Variants in KCNIP4 observed in about 807,000 individuals in gnomAD.
KCNIP4 encodes the protein potassium voltage-gated channel interacting protein 4, also known as Kv channel-interacting protein 4.
KCNIP4 carries 12 observed loss-of-function variants against 34.0 expected under a neutral mutation model. The ratio of observed to expected loss-of-function variants is 0.35; its 90% CI spans 0.23 to 0.57. The LOEUF is 0.57. Among genes scored for constraint, KCNIP4 ranks in the 20% least tolerant of loss-of-function variants. KCNIP4 has a pLI of 0.83. For missense variants in KCNIP4, 238 were observed against 311.7 expected (o/e 0.76, Z 1.78); for synonymous variants, 124 against 102.2 (o/e 1.21, Z -1.29).
intron 3 of KCNIP4, among the ~76,000 whole-genome samples, chr4:20,837,561 G>T (rs1201657866): frequency 6.6e-6 from 1 of 151,074 alleles, no homozygotes; most frequent in East Asian, 1.9e-4. Context: ...AGCCAAAATT[G>T]CACAGCAGCC....
intron 1 of KCNIP4, among the ~76,000 whole-genome samples, chr4:20,995,291 G>A (rs533131507): frequency 2.0e-5 from 3 of 152,116 alleles, no homozygotes; most frequent in East Asian, 1.9e-4. Flanking sequence ...TTATATCAGC[G>A]ACTTATAAAA....
chr4:21,356,320 G>A (rs966279816), intron 1 of KCNIP4, among the ~76,000 whole-genome samples: 54 of 152,084 alleles, frequency 3.6e-4, no homozygotes, highest in African/African-American at 1.1e-3. Context: ...GTTGTGGCCA[G>A]GGCAATCAGG....
At chr4:21,773,287 G>T (rs1467759629) in intron 1 of KCNIP4, among the ~76,000 whole-genome samples, 1 of 152,114 alleles carries the variant, frequency 6.6e-6, no homozygotes, top group African/African-American at 2.4e-5. Context: ...GAGACTGTTT[G>T]CTATGATTTC....
At chr4:21,379,370 G>A (rs1184786986) in intron 1 of KCNIP4, among the ~76,000 whole-genome samples, 1 of 152,116 alleles carries the variant, frequency 6.6e-6, no homozygotes, top group Non-Finnish European at 1.5e-5. Context: ...TTCCTCTTCA[G>A]AGACCTTAAA....
chr4:21,232,416 T>C (rs774756129), intron 1 of KCNIP4, among the ~76,000 whole-genome samples: 6 of 152,146 alleles, frequency 3.9e-5, no homozygotes, highest in Admixed American at 2.0e-4. Context: ...AGGAATTCAA[T>C]AAAAGAAATT....
intron 1 of KCNIP4, among the ~76,000 whole-genome samples, chr4:21,259,919 G>GTA (rs1338940551): frequency 3.3e-5 from 5 of 149,938 alleles, no homozygotes; most frequent in Non-Finnish European, 5.9e-5. Context: ...GTGTGTGTGT[G>GTA]TGCACGTGCG....
chr4:21,904,734 T>C (rs1009349131), intron 1 of KCNIP4, among the ~76,000 whole-genome samples: 3 of 152,092 alleles, frequency 2.0e-5, no homozygotes, highest in Non-Finnish European at 4.4e-5. Flanking sequence ...ATGAAATCAT[T>C]TTTTGTGGTA....
intron 1 of KCNIP4, among the ~76,000 whole-genome samples, chr4:21,483,553 G>A (rs1022979736): frequency 6.6e-6 from 1 of 152,042 alleles, no homozygotes; most frequent in East Asian, 1.9e-4. Flanking sequence ...ACTTTGGGAG[G>A]CTGAAGCAAG....
chr4:21,122,351 T>C (rs1310296532), intron 1 of KCNIP4, among the ~76,000 whole-genome samples: 1 of 151,872 alleles, frequency 6.6e-6, no homozygotes, highest in Non-Finnish European at 1.5e-5. Context: ...GTTTTGAAAA[T>C]CAGTATTTTC....
At chr4:20,858,415 A>G (rs1306824290) in intron 2 of KCNIP4, among the ~76,000 whole-genome samples, 1 of 152,090 alleles carries the variant, frequency 6.6e-6, no homozygotes, top group Non-Finnish European at 1.5e-5. Context: ...TGGCAGCCCT[A>G]GCAAACTAAT....
At chr4:20,975,844 G>T (rs1048034006) in intron 1 of KCNIP4, among the ~76,000 whole-genome samples, 1 of 152,114 alleles carries the variant, frequency 6.6e-6, no homozygotes, top group South Asian at 2.1e-4. Flanking sequence ...TAAAATAATG[G>T]TTAAAAGGGC....
chr4:20,821,934 C>T lies in KCNIP4; in HGVS notation c.288+28609G>A, dbSNP rs928812875. Among the ~76,000 whole-genome samples the T allele has an allele frequency of 2.1e-4, 32 of 152,068 alleles. 1 individual carries two copies. Among genetic ancestry groups the T allele is most frequent in the African/African-American group, 7.0e-4 (29 of 41,390 alleles). ...TTTCTTTATCCACTTGTTTGATGGG[C>T]ACTTACGGTTCCACATCTTTGCAAC... On this transcript the variant is annotated intron_variant, in intron 3 of 8. Transcript: ENST00000382152.
At chr4:21,101,532 A>G (rs1747939298) in intron 1 of KCNIP4, among the ~76,000 whole-genome samples, 1 of 152,180 alleles carries the variant, frequency 6.6e-6, no homozygotes, top group Non-Finnish European at 1.5e-5. Context: ...TTATTTATAT[A>G]AAATATCCAA....
At chr4:21,605,223 T>C (rs1051534615) in intron 1 of KCNIP4, among the ~76,000 whole-genome samples, 4 of 152,178 alleles carry the variant, frequency 2.6e-5, no homozygotes, top group Admixed American at 6.5e-5. Context: ...CTGTCAGAAA[T>C]AGCAGACTCC....
chr4:21,180,551 T>C (rs1167508040), intron 1 of KCNIP4, among the ~76,000 whole-genome samples: 3 of 151,872 alleles, frequency 2.0e-5, no homozygotes, highest in Non-Finnish European at 4.4e-5. Context: ...AATTTACAGC[T>C]TCAGTTTTTA....
intron 1 of KCNIP4, among the ~76,000 whole-genome samples, chr4:21,318,059 C>T (rs2109292856): frequency 1.3e-5 from 2 of 152,296 alleles, no homozygotes; most frequent in South Asian, 4.1e-4. Flanking sequence ...TCATCCTGCC[C>T]TGCCTGCTCT....
intron 1 of KCNIP4, among the ~76,000 whole-genome samples, chr4:21,837,698 A>G (rs990431787): frequency 2.6e-5 from 1 of 38,406 alleles, no homozygotes; most frequent in African/African-American, 6.4e-5. Context: ...CATTATTGTA[A>G]GTCCATGAAG....
chr4:21,546,158 A>G (rs951049514), intron 1 of KCNIP4, among the ~76,000 whole-genome samples: 8 of 152,130 alleles, frequency 5.3e-5, no homozygotes, highest in African/African-American at 1.9e-4. Flanking sequence ...CCACTCACAT[A>G]ATTTTGCTAT....
At chr4:21,735,607 A>ATTTGTT (rs879277282) in intron 1 of KCNIP4, among the ~76,000 whole-genome samples, 11 of 152,230 alleles carry the variant, frequency 7.2e-5, no homozygotes, top group Non-Finnish European at 1.3e-4. Flanking sequence ...CAAAATAAAG[A>ATTTGTT]TTTGTTTTTG....
Sources: allele counts gnomAD v4.1 joint callset (sites outside exome capture counted in the v4.1 genomes callset), GRCh38; gene constraint gnomAD v4.1.1; transcripts MANE v1.5; gene names NCBI Gene and HGNC (gene_info 2026-07-23, HGNC 2026-07-21).